The following TRAPPC9 variants were observed in gnomAD, a reference collection of about 807,000 sequenced individuals.
TRAPPC9 encodes the protein trafficking protein particle complex subunit 9.
In TRAPPC9, 83 loss-of-function variants were observed where a neutral mutation model predicts 124.0. That is an observed-to-expected ratio of 0.67 (90% CI 0.56 to 0.80). The LOEUF (loss-of-function observed/expected upper bound fraction) is 0.80, where lower values mean the gene tolerates loss of function less well. Among genes scored for constraint, TRAPPC9 ranks in the 30% least tolerant of loss-of-function variants. TRAPPC9 has a pLI of 0.00. For synonymous variants in TRAPPC9, 638 were observed against 617.5 expected (o/e 1.03, Z -0.49); for missense variants, 1,302 against 1,508.3 (o/e 0.86, Z 2.27).
intron 17 of TRAPPC9, among the ~76,000 whole-genome samples, chr8:140,169,248 C>T (rs1382678383): frequency 1.3e-5 from 2 of 152,212 alleles, no homozygotes; most frequent in East Asian, 1.9e-4. Flanking sequence ...CACCACTTCA[C>T]ATCCACTAGG....
At position 140,371,024 on chromosome 8, in the gene TRAPPC9, G is replaced by C; in HGVS notation, c.1291C>G (p.Leu431Val). The change falls in exon 8 of 23, where the codon CTC becomes GTC. Residue 431 changes from leucine to valine, a missense_variant. Leu to Val is a conservative substitution (Grantham distance 32). Around this residue, in one of 3 missense-constraint regions of TRAPPC9, gnomAD observed 657 missense variants for 811.2 expected, o/e 0.81. Coordinates refer to ENST00000438773, the MANE Select transcript of TRAPPC9 (RefSeq NM_001160372.4). ...AEPGWRACYKLLLETLPGYSL... is the reference protein window; with the variant it reads ...AEPGWRACYKVLLETLPGYSL... Reference sequence around the variant, plus strand: ...TAGCCGGGCAGCGTTTCCAGGAGGAGTTTGTAGCAGGCCCTCCACCCAGGC... The same window carrying C: ...TAGCCGGGCAGCGTTTCCAGGAGGACTTTGTAGCAGGCCCTCCACCCAGGC... 6.2e-7 allele frequency: 1 copy of C among 1,614,274 alleles called. No homozygotes were observed. Among genetic ancestry groups the C allele is most frequent in the Non-Finnish European group, 8.5e-7 (1 of 1,180,050 alleles).
At chr8:139,804,203 GCCACCACCCACCACCAAGCACCATCA>G (rs1823802730) in intron 21 of TRAPPC9, among the ~76,000 whole-genome samples, 3 of 34,370 alleles carry the variant, frequency 8.7e-5, no homozygotes, top group African/African-American at 1.2e-4. Context: ...AAGCACCACC[GCCACCACCCACCACCAAGCACCATCA>G]CCACCACCCA....
At chr8:139,848,677 C>T (rs989129614) in intron 21 of TRAPPC9, among the ~76,000 whole-genome samples, 3 of 152,078 alleles carry the variant, frequency 2.0e-5, no homozygotes, top group African/African-American at 4.8e-5. Flanking sequence ...TCCCAGCTCC[C>T]GAAATAGAAG....
rs150261786 is a variant in TRAPPC9 at position 140,446,716 on chromosome 8, G to A, written c.584+4074C>T. 1.6e-4 allele frequency among the ~76,000 whole-genome samples: 24 copies of A among 152,156 alleles called. No individual in the cohort carries two copies. The East Asian group carries it at 3.9e-3, about 25-fold the overall frequency. On this transcript the variant is annotated intron_variant, in intron 2 of 22. Coordinates refer to ENST00000438773, the MANE Select transcript of TRAPPC9 (RefSeq NM_001160372.4). ...ACTACAGGCACATGACACCACGCCCGGCTAACTTTTTTATTTTTGGTACAG... is the reference window on the plus strand; with the variant it reads ...ACTACAGGCACATGACACCACGCCCAGCTAACTTTTTTATTTTTGGTACAG...
chr8:140,333,432 G>A (rs962515212), intron 9 of TRAPPC9, among the ~76,000 whole-genome samples: 4 of 152,116 alleles, frequency 2.6e-5, no homozygotes, highest in African/African-American at 7.2e-5. Flanking sequence ...CACTCTTGTC[G>A]CCCAGGCTGG....
intron 17 of TRAPPC9, among the ~76,000 whole-genome samples, chr8:140,208,511 C>G (rs1408342848): frequency 1.3e-5 from 2 of 152,226 alleles, no homozygotes; most frequent in Admixed American, 6.5e-5. Context: ...CCAGGTGATG[C>G]TGATTCTGGT....
At chr8:140,117,159 T>A (rs370749236) in intron 17 of TRAPPC9, among the ~76,000 whole-genome samples, 1 of 152,190 alleles carries the variant, frequency 6.6e-6, no homozygotes, top group East Asian at 1.9e-4. Context: ...GCACACCATT[T>A]TGACACACTA....
intron 16 of TRAPPC9, among the ~76,000 whole-genome samples, chr8:140,225,028 G>A (rs964866597): frequency 1.3e-5 from 2 of 152,154 alleles, no homozygotes; most frequent in African/African-American, 4.8e-5. Flanking sequence ...GGAATAATTA[G>A]AACACATATA....
intron 21 of TRAPPC9, among the ~76,000 whole-genome samples, chr8:139,796,569 T>C (rs1205963206): frequency 6.6e-6 from 1 of 152,284 alleles, no homozygotes; most frequent in Non-Finnish European, 1.5e-5. Context: ...ATCCATGTTA[T>C]AGCATGTGTC....
intron 21 of TRAPPC9, among the ~76,000 whole-genome samples, chr8:139,872,394 G>GGATA (rs1828993628): frequency 1.4e-5 from 2 of 143,126 alleles, no homozygotes; most frequent in Admixed American, 1.4e-4. Flanking sequence ...GTGGGTGGAT[G>GGATA]GATGGATGGA....
chr8:140,064,179 A>G (rs1842781519), intron 17 of TRAPPC9, among the ~76,000 whole-genome samples: 3 of 152,180 alleles, frequency 2.0e-5, no homozygotes, highest in African/African-American at 4.8e-5. Flanking sequence ...TATGCCAATT[A>G]TACACTAACC....
At chr8:140,209,605 A>G (rs2063008200) in intron 17 of TRAPPC9, among the ~76,000 whole-genome samples, 1 of 152,240 alleles carries the variant, frequency 6.6e-6, no homozygotes, top group South Asian at 2.1e-4. Flanking sequence ...TGTCTCTGTA[A>G]CTATTACTGG....
intron 19 of TRAPPC9, among the ~76,000 whole-genome samples, chr8:139,937,847 C>T (rs2131422269): frequency 6.6e-6 from 1 of 152,264 alleles, no homozygotes; most frequent in African/African-American, 2.4e-5. Flanking sequence ...AAAGCCATCG[C>T]TGAGCAGCTG....
At chr8:140,020,083 G>A (rs1839740669) in intron 18 of TRAPPC9, among the ~76,000 whole-genome samples, 1 of 152,022 alleles carries the variant, frequency 6.6e-6, no homozygotes, top group African/African-American at 2.4e-5. Context: ...TAGTAGTAAT[G>A]CCACCTCTTT....
chr8:139,982,656 C>G (rs926166107), intron 19 of TRAPPC9, among the ~76,000 whole-genome samples: 2 of 152,206 alleles, frequency 1.3e-5, no homozygotes, highest in Non-Finnish European at 1.5e-5. Flanking sequence ...ACACATGCCA[C>G]AGAAACTCAC....
At position 140,063,373 on chromosome 8, in the gene TRAPPC9, C is replaced by G. The variant is rs902245188; in HGVS notation, c.2557-39294G>C. ...TCAATTCTCACGTACCTTTCACGAG[C>G]CAGGTAACACGGTACTCACTTTGAG... On this transcript the variant is annotated intron_variant, in intron 17 of 22. Transcript: ENST00000438773. The surrounding 1 kb of genome is among the most constrained non-coding windows in gnomAD (Gnocchi z 4.3). Among the ~76,000 whole-genome samples, 1 of 152,172 alleles carries G rather than the reference C, an allele frequency of 6.6e-6. No individual in the cohort carries two copies. The highest frequency in any genetic ancestry group is 2.1e-4 in the South Asian group (1 of 4,832).
At chr8:140,440,423 CT>C in intron 2 of TRAPPC9, among the ~76,000 whole-genome samples, 1 of 152,130 alleles carries the variant, frequency 6.6e-6, no homozygotes, top group Non-Finnish European at 1.5e-5. Flanking sequence ...AGGAGAATCA[CT>C]TGAACCCGGG....
At chr8:140,435,338 GTAAC>G in intron 3 of TRAPPC9, 98 bp from the exon 4 acceptor site, 2 of 1,451,864 alleles carry the variant, frequency 1.4e-6, no homozygotes, top group Admixed American at 3.9e-5. Context: ...TCAAACTGCA[GTAAC>G]TAACAATGAT....
chr8:139,841,971 T>G (rs1826762438), intron 21 of TRAPPC9, among the ~76,000 whole-genome samples: 1 of 152,098 alleles, frequency 6.6e-6, no homozygotes. Flanking sequence ...ACTGAGCAAG[T>G]GAAGACCGGG....
Sources: gnomAD v4.1 joint callset for allele counts (sites outside exome capture counted in the v4.1 genomes callset) on GRCh38, gnomAD v4.1.1 for gene constraint, gnomAD v4.1.1 regional missense constraint, Gnocchi (gnomAD v3.1) non-coding constraint, MANE v1.5 for transcripts, NCBI Gene and HGNC (gene_info 2026-07-23, HGNC 2026-07-21) for gene names.